SLC18B1: variants seen among roughly 807,000 people sequenced by gnomAD.
SLC18B1 encodes the protein MFS-type transporter SLC18B1.
In SLC18B1, 62 loss-of-function variants were observed where a neutral mutation model predicts 53.9. The observed-to-expected ratio is 1.15, with a 90% confidence interval of 0.94 to 1.42. The LOEUF (loss-of-function observed/expected upper bound fraction) is 1.42. Among genes scored for constraint, SLC18B1 ranks in the 40% most tolerant of loss-of-function variants. The probability of loss-of-function intolerance (pLI) is 0.00; values close to 1 mark genes in which losing one functional copy is unlikely to be tolerated. For synonymous variants in SLC18B1, 217 were observed against 200.9 expected (o/e 1.08, Z -0.68); for missense variants, 598 against 547.3 (o/e 1.09, Z -0.93).
intron 7 of SLC18B1, 151 bp downstream of exon 7, chr6:132,779,116 CG>C: frequency 1.4e-6 from 1 of 722,674 alleles, no homozygotes; most frequent in Non-Finnish European, 2.1e-6. Flanking sequence ...TTCACAGGGA[CG>C]GTAGAGAGGG....
chr6:132,775,153 A>T (rs1210113086), intron 8 of SLC18B1, among the ~76,000 whole-genome samples: 2 of 152,200 alleles, frequency 1.3e-5, no homozygotes, highest in Non-Finnish European at 2.9e-5. Context: ...GGCCCCAAAG[A>T]GCTCCCTTGC....
intron 5 of SLC18B1, among the ~76,000 whole-genome samples, chr6:132,785,797 C>T (rs1364997278): frequency 6.8e-6 from 1 of 146,386 alleles, no homozygotes; most frequent in African/African-American, 2.5e-5. Flanking sequence ...TGGTGGCTCA[C>T]ATTTGTAATC....
At chr6:132,783,794 C>T in intron 6 of SLC18B1, 139 bp downstream of exon 6, 1 of 628,184 alleles carries the variant, frequency 1.6e-6, no homozygotes, top group Non-Finnish European at 2.4e-6. Context: ...AACTAATTGC[C>T]TACATTACTG....
chr6:132,783,934 G>A lies in SLC18B1; in HGVS notation c.657C>T (p.Tyr219=), dbSNP rs140945559. Residue 219 remains tyrosine (Y), a splice_region_variant and synonymous_variant, in exon 6 of 14, where the codon TAC becomes TAT. Transcript: ENST00000275227. The part of the protein sequence containing the change: ...VPLNMYILPN[Y]ESDPGEHSFW... ...AATGAGTAATAAGTGTGGACTTACCGTAATTGGGTAAAATATACATATTGA... is the reference window on the plus strand; with the variant it reads ...AATGAGTAATAAGTGTGGACTTACCATAATTGGGTAAAATATACATATTGA... The A allele has an allele frequency of 4.0e-5, 63 of 1,584,788 alleles. No individual in the cohort carries two copies. The highest frequency in any genetic ancestry group is 3.8e-4 in the Admixed American group (21 of 54,608).
At position 132,789,746 on chromosome 6, in the gene SLC18B1, A is replaced by T. The variant is rs1310323663; in HGVS notation, c.353+18T>A. On this transcript the variant is annotated intron_variant, in intron 4 of 13. Transcript: ENST00000275227. ...AAAATCTGTTCAAGCTCCCAAATAT[A>T]ATCAGAAAATGACTTACCCAAAGAG... is the stretch of plus-strand genomic sequence containing the variant. The T allele has an allele frequency of 6.4e-7, 1 of 1,565,382 alleles. No individual in the cohort carries two copies. Among genetic ancestry groups the T allele is most frequent in the Admixed American group, 1.7e-5 (1 of 59,600 alleles).
intron 2 of SLC18B1, among the ~76,000 whole-genome samples, chr6:132,793,478 T>G (rs1419472906): frequency 1.3e-5 from 2 of 152,218 alleles, no homozygotes; most frequent in African/African-American, 4.8e-5. Context: ...AAGTCACATT[T>G]TGCTCACTTC....
At chr6:132,791,761 C>A (rs1009460461) in intron 2 of SLC18B1, among the ~76,000 whole-genome samples, 1 of 152,074 alleles carries the variant, frequency 6.6e-6, no homozygotes, top group African/African-American at 2.4e-5. Context: ...GTACTAATAA[C>A]CACAGGAAAT....
chr6:132,772,434 T>C (rs1184521060), intron 10 of SLC18B1, among the ~76,000 whole-genome samples: 3 of 152,162 alleles, frequency 2.0e-5, no homozygotes, highest in African/African-American at 4.8e-5. Context: ...TATATGATAT[T>C]AAGAAGCATG....
intron 8 of SLC18B1, among the ~76,000 whole-genome samples, chr6:132,774,674 C>A (rs1219519619): frequency 1.3e-5 from 2 of 152,016 alleles, no homozygotes; most frequent in Admixed American, 1.3e-4. Flanking sequence ...TTTGAGAGGC[C>A]GAGGTGGGAA....
intron 5 of SLC18B1, 42 bp from the exon 6 acceptor site, chr6:132,784,131 T>C: frequency 6.7e-7 from 1 of 1,492,714 alleles, no homozygotes; most frequent in Non-Finnish European, 8.9e-7. Flanking sequence ...AATATTTCAT[T>C]TGAAGAATTA....
intron 6 of SLC18B1, 63 bp from the exon 7 acceptor site, chr6:132,779,467 C>G: frequency 6.5e-7 from 1 of 1,537,582 alleles, no homozygotes; most frequent in Non-Finnish European, 8.8e-7. Context: ...TTAATTTTAA[C>G]TATTTGGAAA....
rs542202087 is a variant in SLC18B1 at position 132,769,459 on chromosome 6, G to T, written c.*811C>A. On this transcript the variant is annotated 3_prime_UTR_variant, in exon 14 of 14. Transcript: ENST00000275227. ...CCCTTCCCTAACAAAACAAGCATTC[G>T]CATTAGGGGAAGGAGGCTGACCTGC... 1 of 152,070 alleles carries T rather than the reference G, an allele frequency of 6.6e-6. No individual in the cohort carries two copies. Among genetic ancestry groups the T allele is most frequent in the Non-Finnish European group, 1.5e-5 (1 of 68,012 alleles). 9.4% of individuals were successfully genotyped at this position (152,070 alleles called of 1,614,324 possible).
chr6:132,789,802 T>C lies in SLC18B1; in HGVS notation c.315A>G (p.Ala105=), dbSNP rs760314443. Residue 105 remains alanine (A), a synonymous_variant, in exon 4 of 14, where the codon GCA becomes GCG. Coordinates refer to ENST00000275227, the MANE Select transcript of SLC18B1 (RefSeq NM_052831.3). ...TAACTCCTCCTGAGACAAACATTCC[T>C]GCTACAAACATAAATTTTGCTCCAA... is the stretch of plus-strand genomic sequence containing the variant. ...VHIGAKFMFV[A]GMFVSGGVTI... The C allele has an allele frequency of 1.2e-6, 2 of 1,613,638 alleles. No homozygotes were observed. The highest frequency in any genetic ancestry group is 2.2e-5 in the South Asian group (2 of 91,062).
At chr6:132,792,324 G>A (rs71574633) in intron 2 of SLC18B1, among the ~76,000 whole-genome samples, 28 of 106,300 alleles carry the variant, frequency 2.6e-4, no homozygotes, top group African/African-American at 4.6e-4. Context: ...AGGAAGGAAG[G>A]AAGGAAGGAA....
intron 11 of SLC18B1, among the ~76,000 whole-genome samples, 180 bp downstream of exon 11, chr6:132,771,952 T>A (rs1780985807): frequency 6.6e-6 from 1 of 151,948 alleles, no homozygotes; most frequent in South Asian, 2.1e-4. Flanking sequence ...ATTAGCCAGA[T>A]GTGGTGGTGG....
In SLC18B1 at chr6:132,789,712, A is replaced by G. The variant is rs113474124; in HGVS notation, c.353+52T>C. The G allele has an allele frequency of 1.5e-3, 1,786 of 1,207,212 alleles. 25 individuals carry two copies. The African/African-American group carries it at 0.02, about 14-fold the overall frequency. 74.8% of individuals were successfully genotyped at this position (1,207,212 alleles called of 1,614,324 possible). Reference sequence around the variant, plus strand: ...GAGTATTTAACAATTTAAACAGAAGATACATTACAAAATCTGTTCAAGCTC... The same window carrying G: ...GAGTATTTAACAATTTAAACAGAAGGTACATTACAAAATCTGTTCAAGCTC... On this transcript the variant is annotated intron_variant, in intron 4 of 13. Coordinates refer to ENST00000275227, the MANE Select transcript of SLC18B1 (RefSeq NM_052831.3).
At position 132,769,948 on chromosome 6, in the gene SLC18B1, A is replaced by G. The variant is rs1218712454; in HGVS notation, c.*322T>C. The G allele has an allele frequency of 5.2e-6, 1 of 193,136 alleles. No homozygotes were observed. Among genetic ancestry groups the G allele is most frequent in the Non-Finnish European group, 1.1e-5 (1 of 94,854 alleles). The allele number at this position is 193,136 out of a possible 1,614,324, so 12.0% of individuals were successfully genotyped here. ...AGAATAAAAAATAAACAGAGGAAAT[A>G]AGAACTAACTCGAGTTAATAACAAC... On this transcript the variant is annotated 3_prime_UTR_variant, in exon 14 of 14. Transcript: ENST00000275227.
At chr6:132,776,693 T>C (rs1781108822) in intron 7 of SLC18B1, among the ~76,000 whole-genome samples, 1 of 152,224 alleles carries the variant, frequency 6.6e-6, no homozygotes. Flanking sequence ...CTCAGAGCAT[T>C]TTTATATGTA....
chr6:132,776,176 C>G (rs1781094113), intron 8 of SLC18B1, 152 bp downstream of exon 8: 1 of 626,298 alleles, frequency 1.6e-6, no homozygotes, highest in Non-Finnish European at 2.7e-6. Context: ...ATAGCTGACC[C>G]TTAGGGTGAT....
Sources: allele counts gnomAD v4.1 joint callset (sites outside exome capture counted in the v4.1 genomes callset), GRCh38; gene constraint gnomAD v4.1.1; transcripts MANE v1.5; gene names NCBI Gene and HGNC (gene_info 2026-07-23, HGNC 2026-07-21).